The following NEB variants were observed in gnomAD, a reference collection of about 807,000 sequenced individuals.
NEB encodes nebulin, also known as nemaline myopathy type 2.
A neutral mutation model predicts 952.2 loss-of-function variants in NEB; 512 were observed. That is an observed-to-expected ratio of 0.54 (90% CI 0.50 to 0.58). The LOEUF (loss-of-function observed/expected upper bound fraction) is 0.58, where lower values mean the gene tolerates loss of function less well. Ranked by LOEUF, NEB falls within the 20% of genes least tolerant of loss-of-function variation. The pLI is 0.00. For synonymous variants in NEB, 2,900 were observed against 3,149.8 expected, an observed-to-expected ratio of 0.92 and a Z score of 2.66; for missense variants, 8,428 against 9,231.1, an observed-to-expected ratio of 0.91 and a Z score of 3.56.
intron 77 of NEB, among the ~76,000 whole-genome samples, chr2:151,612,885 A>G (rs1322547042): frequency 6.6e-6 from 1 of 152,200 alleles, no homozygotes; most frequent in Admixed American, 6.5e-5. Context: ...TTCTATGTAC[A>G]TGCTTCCAAG....
chr2:151,629,390 T>A (rs1473650937), intron 68 of NEB, 149 bp downstream of exon 68: 1 of 717,718 alleles, frequency 1.4e-6, no homozygotes, highest in East Asian at 2.8e-5. Flanking sequence ...AAACATGAGT[T>A]TTTTCAAATG....
At chr2:151,695,256 T>C (rs563153373) in intron 18 of NEB, among the ~76,000 whole-genome samples, 12 of 152,292 alleles carry the variant, frequency 7.9e-5, no homozygotes, top group African/African-American at 2.9e-4. Flanking sequence ...AAATGAATTA[T>C]ATATAATTTA....
intron 27 of NEB, among the ~76,000 whole-genome samples, chr2:151,687,079 A>G (rs1364632466): frequency 6.6e-6 from 1 of 152,208 alleles, no homozygotes; most frequent in Admixed American, 6.5e-5. Flanking sequence ...ACAGTTTGAA[A>G]ATTATCATTT....
chr2:151,713,992 G>C (rs1434263407), intron 10 of NEB, among the ~76,000 whole-genome samples: 1 of 152,148 alleles, frequency 6.6e-6, no homozygotes, highest in African/African-American at 2.4e-5. Context: ...TGGCTCCCTA[G>C]TATAATGAGT....
At chr2:151,698,711 C>T (rs2099618664) in intron 13 of NEB, among the ~76,000 whole-genome samples, 1 of 148,922 alleles carries the variant, frequency 6.7e-6, no homozygotes, top group Admixed American at 6.7e-5. Flanking sequence ...AAACTCGGCT[C>T]ACTGCAAGCT....
chr2:151,609,618 A>T (rs1428152964), intron 81 of NEB, among the ~76,000 whole-genome samples, 191 bp downstream of exon 81: 1 of 152,222 alleles, frequency 6.6e-6, no homozygotes, highest in Non-Finnish European at 1.5e-5. Context: ...TATTTGTCTG[A>T]AATATGTTTT....
At position 151,540,453 on chromosome 2, in the gene NEB, G is replaced by T; in HGVS notation, c.20788-5C>A. ...ATATTGAATCTTGTACTTTTTCTGA[G>T]AAATAAATGCAGAAGAGAGAGACAA... On this transcript the variant is annotated splice_region_variant and splice_polypyrimidine_tract_variant and intron_variant, in intron 137 of 181. Transcript: ENST00000397345. The T allele has an allele frequency of 6.5e-7, 1 of 1,543,068 alleles. No individual in the cohort carries two copies. Among genetic ancestry groups the T allele is most frequent in the Non-Finnish European group, 8.8e-7 (1 of 1,137,192 alleles).
In NEB at chr2:151,639,298, GT is replaced by G; in HGVS notation, c.8975del (p.Asn2992ThrfsTer69). The G allele has an allele frequency of 6.5e-7, 1 of 1,541,274 alleles. No individual in the cohort carries two copies. Among genetic ancestry groups the G allele is most frequent in the Non-Finnish European group, 8.7e-7 (1 of 1,146,220 alleles). ...DTPEIMLARM[N>X]KINYSESLYK... ...CTCTCACCTCACTGTAGTTGATTTT[GT>G]TCATTCTTGCCAACATAATTTCTGG... On this transcript the variant is annotated frameshift_variant, in exon 63 of 182. Transcript: ENST00000397345. LOFTEE classifies it high-confidence loss of function.
In NEB at chr2:151,491,756, A is replaced by G. The variant is rs2152811147; in HGVS notation, c.25077T>C (p.Thr8359=). 2 of 1,591,720 alleles carry G rather than the reference A, an allele frequency of 1.3e-6. No homozygotes were observed. The highest frequency in any genetic ancestry group is 1.7e-6 in the Non-Finnish European group (2 of 1,168,192). Residue 8359 remains threonine (T), a synonymous_variant, in exon 179 of 182, where the codon ACT becomes ACC. Transcript: ENST00000397345. Reference sequence around the variant, plus strand: ...CATAGTCAAAAACCGAACCAGGATTAGTACGCCAGACACGTAAACCTGAAA... The same window carrying G: ...CATAGTCAAAAACCGAACCAGGATTGGTACGCCAGACACGTAAACCTGAAA... ...ETITGLRVWR[T]NPGSVFDYDP...
At chr2:151,694,478 A>T in intron 19 of NEB, 42 bp from the exon 20 acceptor site, 2 of 1,613,272 alleles carry the variant, frequency 1.2e-6, no homozygotes, top group Non-Finnish European at 1.7e-6. Flanking sequence ...TCAAGAGGAA[A>T]TGTCCCCGAA....
chr2:151,531,822 A>G lies in NEB; in HGVS notation c.21492T>C (p.Arg7164=). 6.2e-7 allele frequency: 1 copy of G among 1,613,022 alleles called. No individual in the cohort carries two copies. The highest frequency in any genetic ancestry group is 8.5e-7 in the Non-Finnish European group (1 of 1,179,326). ...TGATTTGTTTGTTGACTTTTGTAGT[A>G]CGCAGGTGTTCTGGAGTATCCACAA... is the stretch of plus-strand genomic sequence containing the variant. ...TSIVDTPEHL[R]TTKVNKQISD... Residue 7164 remains arginine, a synonymous_variant, in exon 144 of 182, where the codon CGT becomes CGC. Transcript: ENST00000397345.
Position 151,697,199 on chromosome 2 carries a change from C to T in NEB, c.1419G>A (p.Gln473=), listed in dbSNP as rs761722604. 6.2e-7 allele frequency: 1 copy of T among 1,613,728 alleles called. No homozygotes were observed. Among genetic ancestry groups the T allele is most frequent in the Non-Finnish European group, 8.5e-7 (1 of 1,179,862 alleles). ...EEDRGKGFFP[Q]TITQEYEAIK... ...TTGCTTCATATTCTTGAGTTATGGT[C>T]TGAGGGAAGAAGCCTTTGCCTCTGT... Residue 473 remains glutamine, a synonymous_variant, in exon 16 of 182, where the codon CAG becomes CAA. Transcript: ENST00000397345.
Position 151,581,570 on chromosome 2 carries a change from G to A in NEB, c.16197C>T (p.Ala5399=), listed in dbSNP as rs962367191. 2 of 954,256 alleles carry A rather than the reference G, an allele frequency of 2.1e-6. No homozygotes were observed. Among genetic ancestry groups the A allele is most frequent in the African/African-American group, 3.7e-5 (2 of 53,944 alleles). 59.1% of individuals were successfully genotyped at this position (954,256 alleles called of 1,614,324 possible). The part of the protein sequence containing the change: ...VQISEPLYRD[A]WEKEKANVNV... ...TCACATTAGCCTTCTCTTTCTCCCA[G>A]GCATCGCGATACAATGGCTGGGAAA... is the stretch of plus-strand genomic sequence containing the variant. Residue 5399 remains alanine, a synonymous_variant, in exon 103 of 182, where the codon GCC becomes GCT. Coordinates refer to ENST00000397345, the MANE Select transcript of NEB (RefSeq NM_001164508.2).
chr2:151,657,949 C>A (rs772581783), intron 48 of NEB, 34 bp downstream of exon 48: 1 of 1,473,092 alleles, frequency 6.8e-7, no homozygotes. Flanking sequence ...TCCTTAGAAA[C>A]CCCCAGCCAG....
At chr2:151,492,053 C>G in intron 178 of NEB, 45 bp downstream of exon 178, 2 of 1,577,402 alleles carry the variant, frequency 1.3e-6, no homozygotes, top group South Asian at 1.1e-5. Context: ...TTCTTCTACC[C>G]CCTCACTTAA....
chr2:151,525,967 A>G lies in NEB; in HGVS notation c.22152T>C (p.His7384=), dbSNP rs771582884. ...GTGGTTGATCACTTACATCACTGAC[A>G]TGCTTGGTCACTTCCTTGACGTGAA... ...DTVHVKEVTK[H]VSDTNYKKKF... The change falls in exon 150 of 182, where the codon CAT becomes CAC. Residue 7384 remains histidine, a synonymous_variant. Coordinates refer to ENST00000397345, the MANE Select transcript of NEB (RefSeq NM_001164508.2). The G allele has an allele frequency of 5.0e-6, 8 of 1,613,432 alleles. No individual in the cohort carries two copies. Among genetic ancestry groups the G allele is most frequent in the Admixed American group, 3.3e-5 (2 of 60,004 alleles).
intron 44 of NEB, 136 bp from the exon 45 acceptor site, chr2:151,663,995 G>A: frequency 1.2e-6 from 1 of 802,820 alleles, no homozygotes; most frequent in Non-Finnish European, 1.9e-6. Context: ...ACTCGTGAGA[G>A]GGAGGGAGCA....
intron 140 of NEB, among the ~76,000 whole-genome samples, 178 bp downstream of exon 140, chr2:151,537,694 A>G: frequency 1.3e-5 from 2 of 152,200 alleles, no homozygotes; most frequent in Non-Finnish European, 2.9e-5. Flanking sequence ...TTGAATATAT[A>G]TTTCCTTCTC....
At position 151,537,134 on chromosome 2, in the gene NEB, T is replaced by C. The variant is rs2093334438; in HGVS notation, c.21205A>G (p.Lys7069Glu). The C allele has an allele frequency of 1.3e-6, 2 of 1,599,948 alleles. No homozygotes were observed. The highest frequency in any genetic ancestry group is 1.7e-6 in the Non-Finnish European group (2 of 1,167,524). ...CAATTCTCCTTGAGTATATATACCT[T>C]GCTGTAGAGAGTCTTGTTCTTTTCA... ...LAEKNKTLYSKYKYKEVFERT... is the reference protein window; with the variant it reads ...LAEKNKTLYSEYKYKEVFERT... Residue 7069 changes from lysine to glutamate, a missense_variant and splice_region_variant, in exon 141 of 182, where the codon AAG (lysine) becomes GAG (glutamate). Around this residue, in one of 11 missense-constraint regions of NEB, gnomAD observed 3,374 missense variants for 3,651.5 expected, o/e 0.92. Coordinates refer to ENST00000397345, the MANE Select transcript of NEB (RefSeq NM_001164508.2).
Sources: gnomAD v4.1 joint callset for allele counts (sites outside exome capture counted in the v4.1 genomes callset) on GRCh38, gnomAD v4.1.1 for gene constraint, gnomAD v4.1.1 regional missense constraint, MANE v1.5 for transcripts, NCBI Gene and HGNC (gene_info 2026-07-23, HGNC 2026-07-21) for gene names.